Variants in OR2L13 observed in about 807,000 individuals in gnomAD.
OR2L13 encodes olfactory receptor 2L13.
In OR2L13, 14 loss-of-function variants were observed where a neutral mutation model predicts 15.3. The ratio of observed to expected loss-of-function variants is 0.91; its 90% CI spans 0.60 to 1.43. The LOEUF (loss-of-function observed/expected upper bound fraction) is 1.43, where lower values mean the gene tolerates loss of function less well. Ranked by LOEUF, OR2L13 falls within the 40% of genes most tolerant of loss-of-function variation. The pLI, the probability that OR2L13 is intolerant of heterozygous loss-of-function variation, is 0.00. For missense variants in OR2L13, 367 were observed against 387.9 expected (o/e 0.95, Z 0.45); for synonymous variants, 152 against 142.9 (o/e 1.06, Z -0.45).
the OR2L13 span, among the ~76,000 whole-genome samples, chr1:248,073,377 C>CA: frequency 6.7e-6 from 1 of 149,278 alleles, no homozygotes; most frequent in African/African-American, 2.5e-5. Flanking sequence ...ATCGCAAGGA[C>CA]AAAAAACCAA....
chr1:248,044,638 C>T, the OR2L13 span, among the ~76,000 whole-genome samples: 2 of 111,038 alleles, frequency 1.8e-5, 1 homozygote, highest in Non-Finnish European at 3.3e-5. Context: ...CCCGTCTCTA[C>T]TAAAAATACA....
exon 3 of OR2L13, chr1:248,099,618 G>C: frequency 6.2e-7 from 1 of 1,613,992 alleles, no homozygotes; most frequent in Non-Finnish European, 8.5e-7. Context: ...CCAAGATGGC[G>C]TACAACTTCC....
the OR2L13 span, among the ~76,000 whole-genome samples, chr1:248,010,439 G>A: frequency 6.6e-6 from 1 of 152,100 alleles, no homozygotes; most frequent in African/African-American, 2.4e-5. Flanking sequence ...TTTCTATTAG[G>A]TTGGCTTGGT....
the OR2L13 span, among the ~76,000 whole-genome samples, chr1:247,992,484 C>T: frequency 6.6e-6 from 1 of 151,954 alleles, no homozygotes; most frequent in Non-Finnish European, 1.5e-5. Flanking sequence ...GATCCTGTCA[C>T]CTGGTAGTGA....
At position 248,099,331 on chromosome 1, in the gene OR2L13, C is replaced by T. The variant is rs895073542; in HGVS notation, c.-18-27C>T. 8 of 1,291,536 alleles carry T rather than the reference C, an allele frequency of 6.2e-6. 1 individual carries two copies. In the Middle Eastern group the frequency reaches 1.2e-3, roughly 186 times the overall value. The allele number at this position is 1,291,536 out of a possible 1,614,324, so 80.0% of individuals were successfully genotyped here. ...GTTTTATTTCATGTTTTGTGCTTTG[C>T]TTTTGTTTCTATTTCTCTTTCAACA... On this transcript the variant is annotated intron_variant, in intron 2 of 2. Transcript: ENST00000641714.
the OR2L13 span, among the ~76,000 whole-genome samples, chr1:248,074,655 C>G: frequency 1.3e-5 from 2 of 152,016 alleles, no homozygotes; most frequent in East Asian, 3.9e-4. Flanking sequence ...TGCATGGTAA[C>G]AAAAGACACT....
chr1:248,022,934 G>A, the OR2L13 span: 1 of 1,476,202 alleles, frequency 6.8e-7, no homozygotes, highest in East Asian at 2.3e-5. Flanking sequence ...TATCAACTCA[G>A]CAGTGTACAG....
the OR2L13 span, among the ~76,000 whole-genome samples, chr1:247,942,890 C>A: frequency 3.3e-5 from 5 of 150,966 alleles, 1 homozygote; most frequent in Admixed American, 3.3e-4. Context: ...TCTCCCTTCT[C>A]CCATTCCCTG....
the OR2L13 span, among the ~76,000 whole-genome samples, chr1:248,085,452 TGTGTGCAGAG>T: frequency 1.6e-4 from 1 of 6,082 alleles, no homozygotes; most frequent in African/African-American, 2.4e-4. Flanking sequence ...AATAAAAAAA[TGTGTGCAGAG>T]AAGCACCAAA....
the OR2L13 span, chr1:247,949,885 C>A: frequency 9.5e-7 from 1 of 1,051,038 alleles, no homozygotes; most frequent in Non-Finnish European, 1.3e-6. Flanking sequence ...TCCTAGAGTG[C>A]AGGACTAAAA....
the OR2L13 span, among the ~76,000 whole-genome samples, chr1:248,012,768 C>T: frequency 6.6e-6 from 1 of 151,432 alleles, no homozygotes; most frequent in Admixed American, 6.6e-5. Context: ...AAATTGAAAC[C>T]CATAAATACA....
the OR2L13 span, among the ~76,000 whole-genome samples, chr1:248,007,079 G>A: frequency 6.6e-6 from 1 of 152,128 alleles, no homozygotes; most frequent in South Asian, 2.1e-4. Context: ...ACCCTTTCAG[G>A]TAGTGATTCA....
At chr1:247,987,036 CTAAG>C in the OR2L13 span, among the ~76,000 whole-genome samples, 2 of 150,924 alleles carry the variant, frequency 1.3e-5, no homozygotes, top group African/African-American at 4.9e-5. Flanking sequence ...ATGTTTATTC[CTAAG>C]TGTTTCATTT....
the OR2L13 span, among the ~76,000 whole-genome samples, chr1:248,073,976 C>T: frequency 3.3e-5 from 5 of 151,804 alleles, no homozygotes; most frequent in South Asian, 2.1e-4. Context: ...TTGTATAAAA[C>T]GGAATTATAT....
At chr1:248,081,698 A>T in the OR2L13 span, among the ~76,000 whole-genome samples, 1 of 152,170 alleles carries the variant, frequency 6.6e-6, no homozygotes, top group Non-Finnish European at 1.5e-5. Flanking sequence ...AGAGTAGCAA[A>T]CTTTTAGTCT....
At chr1:247,977,222 T>C in the OR2L13 span, among the ~76,000 whole-genome samples, 5,874 of 152,326 alleles carry the variant, frequency 0.039, 352 homozygotes, top group African/African-American at 0.13. Context: ...AGCATGTTTA[T>C]GTATTCTTAG....
chr1:247,977,355 C>T, the OR2L13 span, among the ~76,000 whole-genome samples: 8 of 152,124 alleles, frequency 5.3e-5, no homozygotes, highest in African/African-American at 1.9e-4. Flanking sequence ...GAAATCTTTT[C>T]TATATTAAAT....
At chr1:247,985,251 C>G in the OR2L13 span, among the ~76,000 whole-genome samples, 1 of 152,070 alleles carries the variant, frequency 6.6e-6, no homozygotes, top group Non-Finnish European at 1.5e-5. Flanking sequence ...ATCCCTCCCT[C>G]CTTCCCCTAC....
chr1:247,994,321 C>G, the OR2L13 span, among the ~76,000 whole-genome samples: 1 of 151,972 alleles, frequency 6.6e-6, no homozygotes, highest in African/African-American at 2.4e-5. Context: ...GGCGTGAACC[C>G]GGGAGGCGGA....
Sources: gnomAD v4.1 joint callset for allele counts (sites outside exome capture counted in the v4.1 genomes callset) on GRCh38, gnomAD v4.1.1 for gene constraint, MANE v1.5 for transcripts, NCBI Gene and HGNC (gene_info 2026-07-23, HGNC 2026-07-21) for gene names.